Variants in LRRC43 observed in about 807,000 individuals in gnomAD.
LRRC43 encodes leucine-rich repeat-containing protein 43.
In LRRC43, 62 loss-of-function variants were observed where a neutral mutation model predicts 64.3. The observed-to-expected ratio is 0.96, with a 90% CI of 0.79 to 1.19. The LOEUF (loss-of-function observed/expected upper bound fraction) is 1.19. LRRC43 is among the 50% of genes most tolerant of loss of function. The probability of loss-of-function intolerance (pLI) is 0.00; values close to 1 mark genes in which losing one functional copy is unlikely to be tolerated. For missense variants in LRRC43, 868 were observed against 845.0 expected (o/e 1.03, Z -0.34); for synonymous variants, 422 against 382.3 (o/e 1.10, Z -1.21).
chr12:122,176,385 C>T (rs1367993757), intron 1 of LRRC43, among the ~76,000 whole-genome samples: 2 of 152,120 alleles, frequency 1.3e-5, no homozygotes, highest in East Asian at 1.9e-4. Context: ...AGGTGGGCAG[C>T]GGCTCCATCA....
chr12:122,183,423 C>A, intron 1 of LRRC43, 129 bp downstream of exon 1: 1 of 1,074,090 alleles, frequency 9.3e-7, no homozygotes, highest in Non-Finnish European at 1.2e-6. Context: ...GACATGGGGG[C>A]GGGTGGGGCT....
At chr12:122,198,535 A>G (rs1953794563) in intron 7 of LRRC43, among the ~76,000 whole-genome samples, 2 of 150,980 alleles carry the variant, frequency 1.3e-5, no homozygotes, top group East Asian at 1.9e-4. Context: ...CACAAAATAC[A>G]TAGCCTTTTG....
At chr12:122,194,783 T>A (rs1953758567) in intron 7 of LRRC43, among the ~76,000 whole-genome samples, 1 of 152,126 alleles carries the variant, frequency 6.6e-6, no homozygotes. Context: ...GGTGTCATTT[T>A]CTTGCTCCAG....
rs531684657 is a variant in LRRC43 at position 122,200,996 on chromosome 12, C to A, written c.1809+62C>A. 5 of 1,520,438 alleles carry A rather than the reference C, an allele frequency of 3.3e-6. No homozygotes were observed. The highest frequency in any genetic ancestry group is 2.1e-5 in the Admixed American group (1 of 46,896). The allele number at this position is 1,520,438 out of a possible 1,614,324, so 94.2% of individuals were successfully genotyped here. ...CTTCGCCCTCCCCATGGGAACCCCG[C>A]GGGCAAGCAAGGGCTGTGGGCCCAG... On this transcript the variant is annotated intron_variant, in intron 10 of 11. Coordinates refer to ENST00000339777, the MANE Select transcript of LRRC43 (RefSeq NM_001098519.2). This position sits in a 1 kb window ranked among gnomAD's most constrained non-coding sequence, Gnocchi z 4.6.
chr12:122,200,929 GCCAGGGTA>G lies in LRRC43; in HGVS notation c.1806_1809+4del. ...ATTGACATCTGACAGGCTGACGTTG[GCCAGGGTA>G]CAGCCGGGCCCTAGCCACATCCTCC... On this transcript the variant is annotated splice_donor_variant and splice_donor_region_variant and coding_sequence_variant and intron_variant, in exon 10 of 12. Coordinates refer to ENST00000339777, the MANE Select transcript of LRRC43 (RefSeq NM_001098519.2). LOFTEE classifies it high-confidence loss of function. The surrounding 1 kb of genome is among the most constrained non-coding windows in gnomAD (Gnocchi z 4.6). The G allele has an allele frequency of 6.3e-7, 1 of 1,599,394 alleles. No individual in the cohort carries two copies. Among genetic ancestry groups the G allele is most frequent in the Non-Finnish European group, 8.5e-7 (1 of 1,173,036 alleles).
At chr12:122,197,116 A>G (rs1176066869) in intron 7 of LRRC43, among the ~76,000 whole-genome samples, 1 of 152,068 alleles carries the variant, frequency 6.6e-6, no homozygotes, top group African/African-American at 2.4e-5. Flanking sequence ...TGGGGTTACA[A>G]TCTTCCTGGG....
upstream of LRRC43, among the ~76,000 whole-genome samples, chr12:122,180,316 C>T (rs1410876977): frequency 6.6e-6 from 1 of 152,118 alleles, no homozygotes; most frequent in Admixed American, 6.5e-5. Context: ...GTCAGGAGTT[C>T]GAGACCAGCC....
At position 122,184,284 on chromosome 12, in the gene LRRC43, C is replaced by T. The variant is rs777390210; in HGVS notation, c.151-235C>T. 2.6e-5 allele frequency among the ~76,000 whole-genome samples: 4 copies of T among 152,028 alleles called. No homozygotes were observed. Among genetic ancestry groups the T allele is most frequent in the East Asian group, 3.9e-4 (2 of 5,178 alleles). On this transcript the variant is annotated intron_variant, in intron 1 of 11. Transcript: ENST00000339777. The surrounding 1 kb of genome is among the most constrained non-coding windows in gnomAD (Gnocchi z 4.0). ...TAATTTTTTGTATTTTTAGTCGAGA[C>T]GGGGTTTCACCGTGTTAGCCAGGAT...
In LRRC43 at chr12:122,183,257, T is replaced by A; in HGVS notation, c.113T>A (p.Leu38Gln). The change falls in exon 1 of 12, where the codon CTG becomes CAG. Residue 38 changes from leucine to glutamine, a missense_variant. Coordinates refer to ENST00000339777, the MANE Select transcript of LRRC43 (RefSeq NM_001098519.2). ...SAAVREHLRK[L>Q]CLREFPCGAG... is the part of the protein sequence containing the mutation. ...GCCGTGCGCGAGCACTTGCGGAAGC[T>A]GTGTCTGCGCGAGTTCCCGTGCGGT... 6.4e-7 allele frequency: 1 copy of A among 1,564,654 alleles called. No homozygotes were observed. Among genetic ancestry groups the A allele is most frequent in the South Asian group, 1.1e-5 (1 of 87,312 alleles).
chr12:122,186,557 C>T (rs73419761), intron 3 of LRRC43, among the ~76,000 whole-genome samples: 29 of 152,280 alleles, frequency 1.9e-4, no homozygotes, highest in African/African-American at 7.0e-4. Flanking sequence ...TTCAGAGCTG[C>T]GTTACTCACA....
chr12:122,181,567 G>T (rs1356951528), upstream of LRRC43, among the ~76,000 whole-genome samples: 1 of 150,172 alleles, frequency 6.7e-6, no homozygotes, highest in African/African-American at 2.4e-5. Context: ...GAAAAGAAAG[G>T]ACATATGGTC....
intron 7 of LRRC43, among the ~76,000 whole-genome samples, chr12:122,195,258 T>A (rs1001703714): frequency 6.6e-6 from 1 of 152,108 alleles, no homozygotes; most frequent in East Asian, 1.9e-4. Flanking sequence ...AGAACATTTT[T>A]TTTTTTTTGA....
upstream of LRRC43, among the ~76,000 whole-genome samples, chr12:122,181,419 T>C (rs2136024746): frequency 6.6e-6 from 1 of 150,656 alleles, no homozygotes. Context: ...GGCGGGCGCC[T>C]GTAGTCCCAG....
rs752550165 is a variant in LRRC43 at position 122,200,315 on chromosome 12, C to T, written c.1476C>T (p.Thr492=). ...KAFLLAGTTV[T]IVEEKILSWP... ...TCCTGCTGGCGGGGACCACCGTGACCATCGTGGAGGAGAAGGTGGGCAGGC... is the reference window on the plus strand; with the variant it reads ...TCCTGCTGGCGGGGACCACCGTGACTATCGTGGAGGAGAAGGTGGGCAGGC... Residue 492 remains threonine, a synonymous_variant, in exon 8 of 12, where the codon ACC becomes ACT. Transcript: ENST00000339777. This position sits in a 1 kb window ranked among gnomAD's most constrained non-coding sequence, Gnocchi z 4.6. 3.8e-5 allele frequency: 62 copies of T among 1,611,088 alleles called. No individual in the cohort carries two copies. The highest frequency in any genetic ancestry group is 2.7e-5 in the African/African-American group (2 of 74,890).
intron 1 of LRRC43, among the ~76,000 whole-genome samples, chr12:122,170,333 T>C (rs920449291): frequency 7.2e-5 from 11 of 152,072 alleles, no homozygotes; most frequent in Non-Finnish European, 1.5e-4. Context: ...ATCTGGGGGC[T>C]TAAATGCCTG....
intron 4 of LRRC43, among the ~76,000 whole-genome samples, chr12:122,188,438 T>C (rs1226326450): frequency 1.3e-5 from 2 of 150,850 alleles, no homozygotes; most frequent in Non-Finnish European, 2.9e-5. Context: ...TTTATTTTAA[T>C]TTTTTATTTT....
rs578142899 is a variant in LRRC43 at position 122,203,404 on chromosome 12, C to T, written c.1933C>T (p.Arg645Cys). Residue 645 changes from arginine (R) to cysteine (C), a missense_variant, in exon 12 of 12, where the codon CGC becomes TGC. By Grantham distance (180) the Arg-to-Cys change is radical. Transcript: ENST00000339777. ...GGTGCAGATCCAGCTGAACCAGTGCCGCTCGGCGGAGGAGGCTCTGCGCAT... is the reference window on the plus strand; with the variant it reads ...GGTGCAGATCCAGCTGAACCAGTGCTGCTCGGCGGAGGAGGCTCTGCGCAT... ...VEVQIQLNQC[R>C]SAEEALRMFA... 4 of 1,612,314 alleles carry T rather than the reference C, an allele frequency of 2.5e-6. No individual in the cohort carries two copies. The highest frequency in any genetic ancestry group is 2.2e-5 in the South Asian group (2 of 90,838).
chr12:122,174,164 A>T (rs961444445), intron 1 of LRRC43: 2 of 1,614,150 alleles, frequency 1.2e-6, no homozygotes, highest in Non-Finnish European at 1.7e-6. Context: ...TACCTGAGTG[A>T]GAGGCCATGG....
In LRRC43 at chr12:122,203,336, C is replaced by G. The variant is rs758972883; in HGVS notation, c.1865C>G (p.Pro622Arg). The change falls in exon 12 of 12, where the codon CCG (proline) becomes CGG (arginine). Residue 622 changes from proline to arginine, a missense_variant. By Grantham distance (103) the Pro-to-Arg change is moderately radical. Transcript: ENST00000339777. ...TCAGAAAAGCCGAAAGCCGTGATTC[C>G]GATCTACGAAGGCGATTACCACCCT... ...AKKEKPKAVI[P>R]IYEGDYHPEP... 10 of 1,612,828 alleles carry G rather than the reference C, an allele frequency of 6.2e-6. No homozygotes were observed. The South Asian group carries it at 7.7e-5, about 12-fold the overall frequency.
Sources: gnomAD v4.1 joint callset for allele counts (sites outside exome capture counted in the v4.1 genomes callset) on GRCh38, gnomAD v4.1.1 for gene constraint, Gnocchi (gnomAD v3.1) non-coding constraint, MANE v1.5 for transcripts, NCBI Gene and HGNC (gene_info 2026-07-23, HGNC 2026-07-21) for gene names.